Variants in RIGI observed in about 807,000 individuals in gnomAD.
The protein encoded by RIGI is antiviral innate immune response receptor RIG-I.
the RIGI span, among the ~76,000 whole-genome samples, chr9:32,502,097 A>G: frequency 0.033 from 5,047 of 152,296 alleles, 276 homozygotes; most frequent in African/African-American, 0.11. Flanking sequence ...TACACATTTC[A>G]TATTAATGGA....
At chr9:32,512,407 G>C in the RIGI span, among the ~76,000 whole-genome samples, 1 of 152,126 alleles carries the variant, frequency 6.6e-6, no homozygotes, top group South Asian at 2.1e-4. Context: ...TACAAGGCTG[G>C]TTCAACATAT....
chr9:32,511,663 T>G, the RIGI span, among the ~76,000 whole-genome samples: 1 of 151,818 alleles, frequency 6.6e-6, no homozygotes, highest in Non-Finnish European at 1.5e-5. Flanking sequence ...AATATCACAA[T>G]TAAAAGAACC....
At chr9:32,480,206 A>C in the RIGI span, 1 of 1,588,108 alleles carries the variant, frequency 6.3e-7, no homozygotes, top group Non-Finnish European at 8.6e-7. Flanking sequence ...CCTCCTCTGA[A>C]AACACCACTC....
the RIGI span, chr9:32,467,888 C>T: frequency 6.2e-7 from 1 of 1,612,940 alleles, no homozygotes; most frequent in East Asian, 2.2e-5. Context: ...TCTCCACTGG[C>T]TTTGAATGCA....
chr9:32,503,622 G>A, the RIGI span, among the ~76,000 whole-genome samples: 3 of 152,152 alleles, frequency 2.0e-5, no homozygotes, highest in Non-Finnish European at 2.9e-5. Flanking sequence ...TTTGTCTTGT[G>A]ATCATCAGCA....
chr9:32,488,296 T>C, the RIGI span: 1 of 1,373,226 alleles, frequency 7.3e-7, no homozygotes, highest in Non-Finnish European at 1.0e-6. Context: ...ACTGATTAAA[T>C]TCTCCCTGAG....
chr9:32,479,730 G>A, the RIGI span, among the ~76,000 whole-genome samples: 1 of 151,576 alleles, frequency 6.6e-6, no homozygotes, highest in Non-Finnish European at 1.5e-5. Flanking sequence ...CTGGCTACTC[G>A]GGAGGCTGAG....
the RIGI span, chr9:32,459,642 C>G: frequency 4.5e-6 from 4 of 880,140 alleles, no homozygotes; most frequent in African/African-American, 1.7e-5. Flanking sequence ...CTTCCATGAA[C>G]ATATGGTACC....
chr9:32,475,715 T>G, the RIGI span, among the ~76,000 whole-genome samples: 5 of 152,180 alleles, frequency 3.3e-5, no homozygotes, highest in African/African-American at 7.2e-5. Context: ...GTAACGCTTC[T>G]AGATGATAAC....
the RIGI span, among the ~76,000 whole-genome samples, chr9:32,485,836 G>C: frequency 6.6e-6 from 1 of 151,960 alleles, no homozygotes; most frequent in African/African-American, 2.4e-5. Flanking sequence ...ACCGCACCCG[G>C]CCTAACCAGC....
chr9:32,485,346 T>A, the RIGI span: 1 of 1,111,380 alleles, frequency 9.0e-7, no homozygotes, highest in Middle Eastern at 2.0e-4. Flanking sequence ...GGACAGATTG[T>A]AGTTCAAAGT....
chr9:32,456,914 C>T, the RIGI span: 2 of 530,890 alleles, frequency 3.8e-6, no homozygotes, highest in East Asian at 3.1e-5. Context: ...TTCCCAAGTA[C>T]TATGAGCTCT....
chr9:32,511,514 A>G, the RIGI span, among the ~76,000 whole-genome samples: 9 of 152,214 alleles, frequency 5.9e-5, no homozygotes, highest in Non-Finnish European at 1.2e-4. Flanking sequence ...GCAGAAATAA[A>G]TAAGTTCTTT....
At chr9:32,515,391 T>C in the RIGI span, among the ~76,000 whole-genome samples, 3 of 151,612 alleles carry the variant, frequency 2.0e-5, no homozygotes, top group East Asian at 1.9e-4. Flanking sequence ...CTGAGAAATA[T>C]GAAAATCCTA....
chr9:32,481,810 C>T, the RIGI span, among the ~76,000 whole-genome samples: 1 of 152,178 alleles, frequency 6.6e-6, no homozygotes, highest in Admixed American at 6.5e-5. Context: ...GTTTCAAACT[C>T]CTGACCTCAG....
At chr9:32,502,203 T>C in the RIGI span, among the ~76,000 whole-genome samples, 5 of 152,258 alleles carry the variant, frequency 3.3e-5, no homozygotes, top group African/African-American at 1.2e-4. Flanking sequence ...TTCCTTTTTA[T>C]TGCCAAATAA....
the RIGI span, among the ~76,000 whole-genome samples, chr9:32,473,978 A>T: frequency 6.6e-6 from 1 of 152,184 alleles, no homozygotes; most frequent in South Asian, 2.1e-4. Context: ...CAGTGAGCCG[A>T]GGTTGTGCCA....
At chr9:32,472,500 A>C in the RIGI span, among the ~76,000 whole-genome samples, 2 of 152,192 alleles carry the variant, frequency 1.3e-5, no homozygotes, top group South Asian at 2.1e-4. Context: ...TCAAGTCCCT[A>C]ATCAGTTGAC....
chr9:32,470,982 G>A, the RIGI span, among the ~76,000 whole-genome samples: 1 of 152,358 alleles, frequency 6.6e-6, no homozygotes, highest in Non-Finnish European at 1.5e-5. Context: ...CAATTGGCTA[G>A]GCATGGTGTT....
Sources: gnomAD v4.1 joint callset for allele counts (sites outside exome capture counted in the v4.1 genomes callset) on GRCh38, gnomAD v4.1.1 for gene constraint, MANE v1.5 for transcripts, NCBI Gene and HGNC (gene_info 2026-07-23, HGNC 2026-07-21) for gene names.